The following HTR2C variants were observed in gnomAD, a reference collection of about 807,000 sequenced individuals.
HTR2C encodes 5-hydroxytryptamine (serotonin) receptor 2C, G protein-coupled.
A neutral mutation model predicts 21.0 loss-of-function variants in HTR2C; 5 were observed. The observed-to-expected ratio is 0.24, with a 90% CI of 0.12 to 0.50. The LOEUF (loss-of-function observed/expected upper bound fraction) is 0.50. HTR2C is among the 20% of genes least tolerant of loss of function. The probability of loss-of-function intolerance (pLI) is 0.98; values close to 1 mark genes in which losing one functional copy is unlikely to be tolerated. For synonymous variants in HTR2C, 150 were observed against 145.3 expected, an observed-to-expected ratio of 1.03 and a Z score of -0.23; for missense variants, 271 against 371.2, an observed-to-expected ratio of 0.73 and a Z score of 2.22.
At chrX:114,895,210 GTGT>G (rs2071287318) in intron 5 of HTR2C, among the ~76,000 whole-genome samples, 2 of 111,698 alleles carry the variant, frequency 1.8e-5, no homozygotes, top group South Asian at 3.7e-4. Context: ...TTATAACAAA[GTGT>G]TGTGGAGTTA....
At chrX:114,644,924 A>C (rs1556407252) in intron 2 of HTR2C, among the ~76,000 whole-genome samples, 3 of 110,996 alleles carry the variant, frequency 2.7e-5, no homozygotes, top group Non-Finnish European at 3.8e-5. Flanking sequence ...TGAAAAGATG[A>C]GTCAACAGAG....
intron 2 of HTR2C, among the ~76,000 whole-genome samples, chrX:114,644,768 T>G (rs1930299005): frequency 9.1e-6 from 1 of 110,065 alleles, no homozygotes; most frequent in Non-Finnish European, 1.9e-5. Context: ...TATTAATGAT[T>G]GGTGGTATCA....
chrX:114,778,089 A>G (rs975332806), intron 4 of HTR2C, among the ~76,000 whole-genome samples: 5 of 111,775 alleles, frequency 4.5e-5, no homozygotes, highest in African/African-American at 1.6e-4. Context: ...GATATTTTTT[A>G]ATAATGAAAG....
At chrX:114,892,584 C>T (rs782559760) in intron 5 of HTR2C, among the ~76,000 whole-genome samples, 61 of 110,903 alleles carry the variant, frequency 5.5e-4, no homozygotes, top group Non-Finnish European at 9.1e-4. Context: ...AGTAACAGAT[C>T]GTATAACACA....
chrX:114,805,044 G>A (rs2070388071), intron 4 of HTR2C, among the ~76,000 whole-genome samples: 1 of 111,650 alleles, frequency 9.0e-6, no homozygotes, highest in African/African-American at 3.2e-5. Flanking sequence ...TGAGAGTTAG[G>A]TATATAGCCA....
intron 5 of HTR2C, among the ~76,000 whole-genome samples, chrX:114,874,029 A>C (rs958726482): frequency 4.3e-5 from 4 of 93,021 alleles, no homozygotes; most frequent in African/African-American, 1.4e-4. Flanking sequence ...GAGATTATAC[A>C]GTATTTTTCC....
At position 114,687,908 on chromosome X, in the gene HTR2C, C is replaced by T. The variant is rs782032899; in HGVS notation, c.-79-38950C>T. On this transcript the variant is annotated intron_variant, in intron 2 of 5. Coordinates refer to ENST00000276198, the MANE Select transcript of HTR2C (RefSeq NM_000868.4). ...TGTAGAATGGTTATAAATATTAAAA[C>T]GGTCATAAATGTTGAAACTTTCCTT... 2.0e-4 allele frequency among the ~76,000 whole-genome samples: 22 copies of T among 111,901 alleles called. No individual in the cohort carries two copies. In the South Asian group the frequency reaches 7.0e-3, roughly 35 times the overall value.
At chrX:114,591,293 C>T (rs1300433924) in intron 1 of HTR2C, among the ~76,000 whole-genome samples, 2 of 111,516 alleles carry the variant, frequency 1.8e-5, no homozygotes, top group Non-Finnish European at 3.8e-5. Context: ...TCTGGTGTCT[C>T]TCCAACAAAT....
rs1161524546 is a variant in HTR2C at position 114,604,971 on chromosome X, T to A, written c.-146-8844T>A. Among the ~76,000 whole-genome samples the A allele has an allele frequency of 2.7e-5, 3 of 111,166 alleles. No homozygotes were observed. The East Asian group carries it at 8.5e-4, about 31-fold the overall frequency. On this transcript the variant is annotated intron_variant, in intron 1 of 5. Coordinates refer to ENST00000276198, the MANE Select transcript of HTR2C (RefSeq NM_000868.4). ...GAGGGCCGGAATTTAATTTTTGGAG[T>A]TTTATTTAATGTCAGGAGCAGATTG...
At chrX:114,841,126 C>T (rs1392517560) in intron 4 of HTR2C, among the ~76,000 whole-genome samples, 1 of 111,903 alleles carries the variant, frequency 8.9e-6, no homozygotes, top group Non-Finnish European at 1.9e-5. Context: ...CTTTTCCTTA[C>T]TTCCCCAAGA....
chrX:114,764,977 T>C (rs2069932223), intron 4 of HTR2C, among the ~76,000 whole-genome samples: 1 of 104,886 alleles, frequency 9.5e-6, no homozygotes, highest in Non-Finnish European at 2.0e-5. Context: ...CCTTTCTTCC[T>C]TCCCTCCATT....
chrX:114,845,612 A>G (rs782698271), intron 4 of HTR2C, among the ~76,000 whole-genome samples: 7 of 109,247 alleles, frequency 6.4e-5, no homozygotes, highest in African/African-American at 2.1e-4. Flanking sequence ...AAGTTGACAA[A>G]TCTTTAGATA....
At chrX:114,665,569 T>G (rs1556410784) in intron 2 of HTR2C, among the ~76,000 whole-genome samples, 1 of 112,404 alleles carries the variant, frequency 8.9e-6, no homozygotes, top group African/African-American at 3.2e-5. Context: ...AACAAATGTT[T>G]TCTATGTTAT....
At chrX:114,757,863 T>C (rs2069828877) in intron 4 of HTR2C, among the ~76,000 whole-genome samples, 1 of 111,746 alleles carries the variant, frequency 8.9e-6, no homozygotes, top group Admixed American at 9.6e-5. Context: ...CCTTGCCCTC[T>C]CTACTTCTTG....
intron 4 of HTR2C, chrX:114,775,138 G>A: frequency 1.9e-6 from 1 of 523,223 alleles, no homozygotes; most frequent in Non-Finnish European, 3.5e-6. Context: ...GAATGCATAG[G>A]ACTCAAGTGA....
At chrX:114,741,523 C>CAAAAAAAAAAAAA in intron 4 of HTR2C, among the ~76,000 whole-genome samples, 1 of 5,513 alleles carries the variant, frequency 1.8e-4, no homozygotes, top group Non-Finnish European at 4.4e-4. Context: ...ACGACTCCGT[C>CAAAAAAAAAAAAA]TAAAAAAAAA....
intron 4 of HTR2C, among the ~76,000 whole-genome samples, chrX:114,757,776 A>C (rs781896095): frequency 8.9e-6 from 1 of 112,221 alleles, no homozygotes; most frequent in Admixed American, 9.5e-5. Flanking sequence ...TTCAATTTGC[A>C]ATCATCATTT....
At chrX:114,629,671 AT>A (rs782645672) in intron 2 of HTR2C, among the ~76,000 whole-genome samples, 5,327 of 111,849 alleles carry the variant, frequency 0.048, 327 homozygotes, top group African/African-American at 0.16. Context: ...TTTTGTTTTA[AT>A]TTTTAATTAA....
At position 114,690,960 on chromosome X, in the gene HTR2C, A is replaced by G. The variant is rs5987800; in HGVS notation, c.-79-35898A>G. On this transcript the variant is annotated intron_variant, in intron 2 of 5. Coordinates refer to ENST00000276198, the MANE Select transcript of HTR2C (RefSeq NM_000868.4). ...AACATATATTCCTTCCATGGATATC[A>G]ATACTTTTACTTTAGCATCACAATC... Among the ~76,000 whole-genome samples the G allele has an allele frequency of 6.7e-3, 748 of 111,180 alleles. 2 individuals carry two copies. The highest frequency in any genetic ancestry group is 0.023 in the African/African-American group (694 of 30,652).
Sources: gnomAD v4.1 joint callset for allele counts (sites outside exome capture counted in the v4.1 genomes callset) on GRCh38, gnomAD v4.1.1 for gene constraint, MANE v1.5 for transcripts, NCBI Gene and HGNC (gene_info 2026-07-23, HGNC 2026-07-21) for gene names.